KIRREL3: variants seen among roughly 807,000 people sequenced by gnomAD.
The protein encoded by KIRREL3 is kin of IRRE-like protein 3.
A neutral mutation model predicts 89.7 loss-of-function variants in KIRREL3; 36 were observed. The ratio of observed to expected loss-of-function variants is 0.40; its 90% CI spans 0.31 to 0.53. The LOEUF (loss-of-function observed/expected upper bound fraction) is 0.53. Ranked by LOEUF, KIRREL3 falls within the 20% of genes least tolerant of loss-of-function variation. The probability of loss-of-function intolerance (pLI) is 0.49; values close to 1 mark genes in which losing one functional copy is unlikely to be tolerated. For missense variants in KIRREL3, 864 were observed against 1,056.6 expected (o/e 0.82, Z 2.53); for synonymous variants, 445 against 441.4 (o/e 1.01, Z -0.10).
In KIRREL3 at chr11:126,430,901, C is replaced by A. The variant is rs1955104816; in HGVS notation, c.1696+518G>T. On this transcript the variant is annotated intron_variant, in intron 14 of 16. Coordinates refer to ENST00000525144, the MANE Select transcript of KIRREL3 (RefSeq NM_032531.4). The surrounding 1 kb of genome is among the most constrained non-coding windows in gnomAD (Gnocchi z 6.6). ...GTGCACGCAATTCTTCAAGCGTGCA[C>A]AAACACTAGAATTTTATTGGTAATC... 3 of 904,770 alleles carry A rather than the reference C, an allele frequency of 3.3e-6. No homozygotes were observed. Among genetic ancestry groups the A allele is most frequent in the Non-Finnish European group, 4.0e-6 (3 of 750,498 alleles). The allele number at this position is 904,770 out of a possible 1,614,324, so 56.0% of individuals were successfully genotyped here.
At chr11:126,547,804 C>T (rs146683255) in intron 2 of KIRREL3, among the ~76,000 whole-genome samples, 116 of 152,248 alleles carry the variant, frequency 7.6e-4, no homozygotes, top group Admixed American at 2.5e-3. Flanking sequence ...TCAAGTCTGC[C>T]CTGGACGATG....
At chr11:126,461,610 A>G (rs879000348) in intron 6 of KIRREL3, among the ~76,000 whole-genome samples, 3 of 152,174 alleles carry the variant, frequency 2.0e-5, no homozygotes, top group East Asian at 1.9e-4. Flanking sequence ...GTGTGTGGGT[A>G]TCTTGAGCCT....
rs557787563 is a variant in KIRREL3 at position 126,844,055 on chromosome 11, G to A, written c.55+156400C>T. Among the ~76,000 whole-genome samples, 11 of 152,118 alleles carry A rather than the reference G, an allele frequency of 7.2e-5. No individual in the cohort carries two copies. The South Asian group carries it at 1.9e-3, about 26-fold the overall frequency. ...TGCTTTCACTTTATGCTCTGGACTCGCCCTGAATTCTTTCTTGTACGAGAT... is the reference window on the plus strand; with the variant it reads ...TGCTTTCACTTTATGCTCTGGACTCACCCTGAATTCTTTCTTGTACGAGAT... On this transcript the variant is annotated intron_variant, in intron 1 of 16. Coordinates refer to ENST00000525144, the MANE Select transcript of KIRREL3 (RefSeq NM_032531.4). This position sits in a 1 kb window ranked among gnomAD's most constrained non-coding sequence, Gnocchi z 4.8.
rs1218902797 is a variant in KIRREL3 at position 126,890,926 on chromosome 11, G to A, written c.55+109529C>T. ...AGCTCCCTGATATGTTAATTCCCAG[G>A]CTGATTCCAGTGCTGTTGGTCCCCC... is the stretch of plus-strand genomic sequence containing the variant. On this transcript the variant is annotated intron_variant, in intron 1 of 16. Coordinates refer to ENST00000525144, the MANE Select transcript of KIRREL3 (RefSeq NM_032531.4). The surrounding 1 kb of genome is among the most constrained non-coding windows in gnomAD (Gnocchi z 5.1). Among the ~76,000 whole-genome samples the A allele has an allele frequency of 6.6e-6, 1 of 152,136 alleles. No homozygotes were observed. Among genetic ancestry groups the A allele is most frequent in the African/African-American group, 2.4e-5 (1 of 41,406 alleles).
In KIRREL3 at chr11:126,611,154, T is replaced by C. The variant is rs1231712118; in HGVS notation, c.56-48242A>G. Among the ~76,000 whole-genome samples, 1 of 152,146 alleles carries C rather than the reference T, an allele frequency of 6.6e-6. No homozygotes were observed. Among genetic ancestry groups the C allele is most frequent in the Non-Finnish European group, 1.5e-5 (1 of 68,016 alleles). ...CTCAACTGAAGTCACAAAGACCTAA[T>C]CTGGGAGGTGGGAATAGTCATAGAA... On this transcript the variant is annotated intron_variant, in intron 1 of 16. Transcript: ENST00000525144. This position sits in a 1 kb window ranked among gnomAD's most constrained non-coding sequence, Gnocchi z 4.7.
In KIRREL3 at chr11:126,634,996, A is replaced by G. The variant is rs139758907; in HGVS notation, c.56-72084T>C. 3.5e-3 allele frequency among the ~76,000 whole-genome samples: 539 copies of G among 152,322 alleles called. 4 individuals are homozygous for G. The highest frequency in any genetic ancestry group is 5.7e-3 in the Non-Finnish European group (388 of 68,022). On this transcript the variant is annotated intron_variant, in intron 1 of 16. Coordinates refer to ENST00000525144, the MANE Select transcript of KIRREL3 (RefSeq NM_032531.4). The stretch of plus-strand genomic sequence containing the variant: ...TGGTCTACAGTTGCTCCACTCAGCA[A>G]GTGGGGACAGTTCCAGCTTCTGGGC...
At chr11:126,835,442 T>C (rs1414545872) in intron 1 of KIRREL3, among the ~76,000 whole-genome samples, 1 of 152,226 alleles carries the variant, frequency 6.6e-6, no homozygotes, top group Non-Finnish European at 1.5e-5. Flanking sequence ...GCCAGAAAGA[T>C]TGAAGCTCCT....
At position 127,000,331 on chromosome 11, in the gene KIRREL3, C is replaced by T. The variant is rs1358175280; in HGVS notation, c.55+124G>A. On this transcript the variant is annotated intron_variant, in intron 1 of 16. Coordinates refer to ENST00000525144, the MANE Select transcript of KIRREL3 (RefSeq NM_032531.4). This position sits in a 1 kb window ranked among gnomAD's most constrained non-coding sequence, Gnocchi z 7.1. ...GAGGCAATGCCAGAGCATCTCAGCCCGGCACCGAGAGACGCATCCATCAGT... is the reference window on the plus strand; with the variant it reads ...GAGGCAATGCCAGAGCATCTCAGCCTGGCACCGAGAGACGCATCCATCAGT... 6 of 714,426 alleles carry T rather than the reference C, an allele frequency of 8.4e-6. No individual in the cohort carries two copies. The South Asian group carries it at 9.8e-5, about 12-fold the overall frequency. 44.3% of individuals were successfully genotyped at this position (714,426 alleles called of 1,614,324 possible).
intron 1 of KIRREL3, among the ~76,000 whole-genome samples, chr11:126,646,165 G>A (rs1051182690): frequency 6.6e-5 from 10 of 152,058 alleles, no homozygotes; most frequent in Non-Finnish European, 1.0e-4. Context: ...CGATATGATC[G>A]CCCAGTGGGT....
chr11:126,657,743 A>G (rs1436352903), intron 1 of KIRREL3, among the ~76,000 whole-genome samples: 1 of 152,018 alleles, frequency 6.6e-6, no homozygotes, highest in East Asian at 1.9e-4. Flanking sequence ...GACCTGCGCA[A>G]CTCTGATTGT....
At chr11:126,957,706 C>T (rs547489916) in intron 1 of KIRREL3, among the ~76,000 whole-genome samples, 5 of 152,266 alleles carry the variant, frequency 3.3e-5, no homozygotes, top group Non-Finnish European at 5.9e-5. Context: ...TCAGTGCTGA[C>T]CTCTGCCTGG....
At chr11:126,532,679 ATG>A (rs1958979903) in intron 2 of KIRREL3, among the ~76,000 whole-genome samples, 1 of 47,284 alleles carries the variant, frequency 2.1e-5, no homozygotes, top group Admixed American at 2.0e-4. Flanking sequence ...CCTGGCCCAG[ATG>A]ATCTAAAGGG....
At chr11:126,835,873 G>A (rs552093895) in intron 1 of KIRREL3, among the ~76,000 whole-genome samples, 1 of 152,182 alleles carries the variant, frequency 6.6e-6, no homozygotes, top group African/African-American at 2.4e-5. Context: ...GTGCACTAGA[G>A]ACTGAGATCA....
intron 1 of KIRREL3, among the ~76,000 whole-genome samples, chr11:126,986,725 G>A (rs973995385): frequency 2.6e-5 from 4 of 152,338 alleles, no homozygotes; most frequent in African/African-American, 4.8e-5. Flanking sequence ...TGACCTTATC[G>A]TAAGTTTGGC....
intron 1 of KIRREL3, among the ~76,000 whole-genome samples, chr11:126,753,117 T>C (rs1216196902): frequency 1.3e-5 from 2 of 152,130 alleles, no homozygotes; most frequent in Non-Finnish European, 2.9e-5. Context: ...CCAGCACTCG[T>C]CCAATAAATC....
rs759554829 is a variant in KIRREL3 at position 126,642,275 on chromosome 11, C to G, written c.56-79363G>C. Among the ~76,000 whole-genome samples the G allele has an allele frequency of 6.6e-6, 1 of 152,200 alleles. No individual in the cohort carries two copies. The highest frequency in any genetic ancestry group is 2.4e-5 in the African/African-American group (1 of 41,436). On this transcript the variant is annotated intron_variant, in intron 1 of 16. Coordinates refer to ENST00000525144, the MANE Select transcript of KIRREL3 (RefSeq NM_032531.4). The surrounding 1 kb of genome is among the most constrained non-coding windows in gnomAD (Gnocchi z 4.9). The stretch of plus-strand genomic sequence containing the variant: ...GGTTGGTGGTTAGTTCTCACTTTCC[C>G]CATTTCTGAGACCAGCAAGAGGCTC...
At chr11:126,514,829 C>A (rs1429222747) in intron 4 of KIRREL3, among the ~76,000 whole-genome samples, 1 of 140,856 alleles carries the variant, frequency 7.1e-6, no homozygotes, top group African/African-American at 2.8e-5. Flanking sequence ...CAACACAACA[C>A]AACACAACAC....
At chr11:126,678,623 A>AG (rs1946308238) in intron 1 of KIRREL3, among the ~76,000 whole-genome samples, 3 of 151,200 alleles carry the variant, frequency 2.0e-5, no homozygotes, top group Admixed American at 6.6e-5. Flanking sequence ...AAAAAAAAAA[A>AG]AAAGAAGTGG....
chr11:126,902,822 T>C (rs113249402), intron 1 of KIRREL3, among the ~76,000 whole-genome samples: 522 of 151,970 alleles, frequency 3.4e-3, no homozygotes, highest in African/African-American at 0.012. Context: ...TATTCTGTTT[T>C]CCTCCTACTT....
Sources: gnomAD v4.1 joint callset for allele counts (sites outside exome capture counted in the v4.1 genomes callset) on GRCh38, gnomAD v4.1.1 for gene constraint, Gnocchi (gnomAD v3.1) non-coding constraint, MANE v1.5 for transcripts, NCBI Gene and HGNC (gene_info 2026-07-23, HGNC 2026-07-21) for gene names.